Variants in PLEK observed in about 807,000 individuals in gnomAD.
PLEK encodes platelet 47 kDa protein.
Under a neutral mutation model 43.9 loss-of-function variants are expected in PLEK, and 25 were observed. The ratio of observed to expected loss-of-function variants is 0.57; its 90% CI spans 0.41 to 0.79. The LOEUF (loss-of-function observed/expected upper bound fraction) is 0.79, where lower values mean the gene tolerates loss of function less well. Ranked by LOEUF, PLEK falls within the 30% of genes least tolerant of loss-of-function variation. The probability of loss-of-function intolerance (pLI) is 0.00; values close to 1 mark genes in which losing one functional copy is unlikely to be tolerated. For missense variants in PLEK, 396 were observed against 413.3 expected (o/e 0.96, Z 0.36); for synonymous variants, 152 against 144.4 (o/e 1.05, Z -0.38).
rs755778177 is a variant in PLEK at position 68,395,987 on chromosome 2, A to G, written c.*171A>G. On this transcript the variant is annotated 3_prime_UTR_variant, in exon 9 of 9. Transcript: ENST00000234313. ...CATGTGGTGTGCAAGGTTCCCCTGC[A>G]TTGTATTGCTCACTGCAGCCCCTCT... is the stretch of plus-strand genomic sequence containing the variant. 7 of 630,396 alleles carry G rather than the reference A, an allele frequency of 1.1e-5. No individual in the cohort carries two copies. Among genetic ancestry groups the G allele is most frequent in the Non-Finnish European group, 2.0e-5 (7 of 348,478 alleles). 39.1% of individuals were successfully genotyped at this position (630,396 alleles called of 1,614,324 possible). A position where few individuals can be genotyped will look rare whatever the true frequency, so the allele number is the denominator to read the frequency against.
chr2:68,389,003 A>G (rs1673807384), intron 6 of PLEK, among the ~76,000 whole-genome samples: 1 of 152,206 alleles, frequency 6.6e-6, no homozygotes, highest in Non-Finnish European at 1.5e-5. Context: ...CAGGAACAGC[A>G]GGCAAAAGTC....
Position 68,382,495 on chromosome 2 carries a change from G to A in PLEK, c.381-47G>A, listed in dbSNP as rs762546011. 3 of 1,154,188 alleles carry A rather than the reference G, an allele frequency of 2.6e-6. No homozygotes were observed. In the Admixed American group the frequency reaches 5.7e-5, roughly 22 times the overall value. The allele number at this position is 1,154,188 out of a possible 1,614,324, so 71.5% of individuals were successfully genotyped here. ...GAAATGTTCCCCACTCATCCAACTGGGTTTTTTTTTGTTTGTTTGTTTGTT... is the reference window on the plus strand; with the variant it reads ...GAAATGTTCCCCACTCATCCAACTGAGTTTTTTTTTGTTTGTTTGTTTGTT... On this transcript the variant is annotated intron_variant, in intron 3 of 8. Coordinates refer to ENST00000234313, the MANE Select transcript of PLEK (RefSeq NM_002664.3).
rs1295965550 is a variant in PLEK at position 68,397,023 on chromosome 2, G to C, written c.*1207G>C. The stretch of plus-strand genomic sequence containing the variant: ...GGCATCATGGCCCTATGATTAACCA[G>C]AGTGATCTAACCTAGACTAAAATTG... On this transcript the variant is annotated 3_prime_UTR_variant, in exon 9 of 9. Coordinates refer to ENST00000234313, the MANE Select transcript of PLEK (RefSeq NM_002664.3). 1 of 152,158 alleles carries C rather than the reference G, an allele frequency of 6.6e-6. No homozygotes were observed. Among genetic ancestry groups the C allele is most frequent in the African/African-American group, 2.4e-5 (1 of 41,432 alleles). The allele number at this position is 152,158 out of a possible 1,614,324, so 9.4% of individuals were successfully genotyped here.
intron 6 of PLEK, 134 bp downstream of exon 6, chr2:68,388,625 A>G (rs796200797): frequency 5.3e-6 from 3 of 563,094 alleles, no homozygotes; most frequent in East Asian, 5.5e-5. Flanking sequence ...TGAAAGATAG[A>G]TGAGTAGCTC....
intron 6 of PLEK, among the ~76,000 whole-genome samples, chr2:68,388,792 G>A (rs1199164827): frequency 6.6e-6 from 1 of 152,028 alleles, no homozygotes; most frequent in Non-Finnish European, 1.5e-5. Context: ...TCTAAGAGAT[G>A]CCATCCAAAA....
At position 68,383,260 on chromosome 2, in the gene PLEK, G is replaced by T. The variant is rs146193458; in HGVS notation, c.472+627G>T. 1.6e-3 allele frequency among the ~76,000 whole-genome samples: 249 copies of T among 152,238 alleles called. 1 individual carries two copies. Among genetic ancestry groups the T allele is most frequent in the African/African-American group, 5.9e-3 (243 of 41,530 alleles). ...CTTGCCATTATGTGTGTAGAGTAGT[G>T]CCTGGCACACACTCAGTGCTATATG... On this transcript the variant is annotated intron_variant, in intron 4 of 8. Transcript: ENST00000234313.
chr2:68,390,120 T>C (rs1673830985), intron 6 of PLEK, among the ~76,000 whole-genome samples: 1 of 152,072 alleles, frequency 6.6e-6, no homozygotes, highest in Non-Finnish European at 1.5e-5. Flanking sequence ...TGGTCAAAAA[T>C]TGTGTGTGGG....
At chr2:68,369,039 A>G (rs780845113) in intron 1 of PLEK, among the ~76,000 whole-genome samples, 8 of 152,186 alleles carry the variant, frequency 5.3e-5, no homozygotes, top group Non-Finnish European at 7.3e-5. Flanking sequence ...TCCTGGATCT[A>G]CCTTGTCTTC....
chr2:68,388,253 T>C (rs994252609), intron 5 of PLEK, 134 bp from the exon 6 acceptor site: 22 of 601,756 alleles, frequency 3.7e-5, no homozygotes, highest in African/African-American at 3.1e-4. Context: ...GAAGTTCAGA[T>C]TGGGATGTAC....
intron 6 of PLEK, among the ~76,000 whole-genome samples, chr2:68,392,188 TTC>T: frequency 6.7e-6 from 1 of 149,880 alleles, no homozygotes; most frequent in South Asian, 2.1e-4. Flanking sequence ...CTTCTTCTTC[TTC>T]TTTCTCCTCC....
chr2:68,378,635 C>T (rs1394026617), intron 1 of PLEK, among the ~76,000 whole-genome samples: 3 of 152,216 alleles, frequency 2.0e-5, no homozygotes, highest in Non-Finnish European at 4.4e-5. Flanking sequence ...GCATGGAAGA[C>T]ATTCATACAT....
chr2:68,388,418 C>G lies in PLEK; in HGVS notation c.689C>G (p.Ser230Cys). ...PDSGFFCEEN[S>C]SDDDVILKEE... ...AGTGGGTTCTTCTGTGAAGAGAATT[C>G]CAGTGATGATGATGTGATTCTGAAA... The change falls in exon 6 of 9, where the codon TCC becomes TGC. Residue 230 changes from serine (S) to cysteine (C), a missense_variant. Ser to Cys is a moderately radical substitution (Grantham distance 112, BLOSUM62 -1). Coordinates refer to ENST00000234313, the MANE Select transcript of PLEK (RefSeq NM_002664.3). The G allele has an allele frequency of 6.2e-7, 1 of 1,610,442 alleles. No homozygotes were observed. Among genetic ancestry groups the G allele is most frequent in the Non-Finnish European group, 8.5e-7 (1 of 1,176,736 alleles).
intron 6 of PLEK, among the ~76,000 whole-genome samples, chr2:68,391,355 G>A (rs1271102929): frequency 6.6e-6 from 1 of 152,176 alleles, no homozygotes; most frequent in Non-Finnish European, 1.5e-5. Context: ...AGCATGACAT[G>A]TGTGTCTGTC....
intron 1 of PLEK, among the ~76,000 whole-genome samples, chr2:68,378,400 C>G (rs542353901): frequency 6.6e-6 from 1 of 152,316 alleles, no homozygotes; most frequent in South Asian, 2.1e-4. Flanking sequence ...AAGTCTGAGG[C>G]AGGCCGGATT....
At chr2:68,382,020 A>G (rs1003978606) in intron 3 of PLEK, among the ~76,000 whole-genome samples, 2 of 152,234 alleles carry the variant, frequency 1.3e-5, no homozygotes, top group Non-Finnish European at 2.9e-5. Context: ...GACAAAAATG[A>G]GAACTTCTCA....
At chr2:68,367,067 G>A (rs1673289853) in intron 1 of PLEK, among the ~76,000 whole-genome samples, 1 of 152,160 alleles carries the variant, frequency 6.6e-6, no homozygotes, top group South Asian at 2.1e-4. Context: ...ATTAGTGAGA[G>A]TAGTTCTCTC....
chr2:68,392,193 TCTC>T (rs911911083), intron 6 of PLEK, among the ~76,000 whole-genome samples: 3 of 130,864 alleles, frequency 2.3e-5, no homozygotes, highest in Admixed American at 7.2e-5. Flanking sequence ...TCTTCTTCTT[TCTC>T]CTCCTCCTCC....
intron 4 of PLEK, among the ~76,000 whole-genome samples, chr2:68,384,978 C>T (rs768190706): frequency 2.0e-5 from 3 of 152,206 alleles, no homozygotes; most frequent in Non-Finnish European, 4.4e-5. Flanking sequence ...ACATGAAATT[C>T]ATGGAAGGCT....
chr2:68,369,677 T>C (rs1673356018), intron 1 of PLEK, among the ~76,000 whole-genome samples: 1 of 152,160 alleles, frequency 6.6e-6, no homozygotes, highest in African/African-American at 2.4e-5. Context: ...TCATTTAATC[T>C]TCACCACAAT....
Sources: gnomAD v4.1 joint callset for allele counts (sites outside exome capture counted in the v4.1 genomes callset) on GRCh38, gnomAD v4.1.1 for gene constraint, MANE v1.5 for transcripts, NCBI Gene and HGNC (gene_info 2026-07-23, HGNC 2026-07-21) for gene names.